Variants in PCDHGA7 observed in about 807,000 individuals in gnomAD.
PCDHGA7 encodes protocadherin gamma subfamily A, 7, also known as protocadherin gamma-A7.
In PCDHGA7, 44 loss-of-function variants were observed where a neutral mutation model predicts 58.3. The observed-to-expected ratio is 0.75, with a 90% CI of 0.59 to 0.97. The LOEUF is 0.97. Among genes scored for constraint, PCDHGA7 ranks in the 50% least tolerant of loss-of-function variants. PCDHGA7 has a pLI of 0.00. For synonymous variants in PCDHGA7, 516 were observed against 504.2 expected, an observed-to-expected ratio of 1.02 and a Z score of -0.31; for missense variants, 1,266 against 1,188.7, an observed-to-expected ratio of 1.06 and a Z score of -0.96.
chr5:141,414,087 A>G (rs377653676), intron 1 of PCDHGA7: 31 of 1,599,656 alleles, frequency 1.9e-5, no homozygotes, highest in Middle Eastern at 3.3e-4. Context: ...ATACTGGAGA[A>G]ATAAAAATAT....
intron 1 of PCDHGA7, chr5:141,395,935 A>T (rs950567838): frequency 6.6e-6 from 1 of 152,118 alleles, no homozygotes; most frequent in Non-Finnish European, 1.5e-5. Context: ...TAGAATGTCC[A>T]TTGCTCCCCC....
At chr5:141,386,498 A>G (rs961063181) in intron 1 of PCDHGA7, among the ~76,000 whole-genome samples, 2 of 135,914 alleles carry the variant, frequency 1.5e-5, no homozygotes, top group African/African-American at 5.6e-5. Context: ...TAATATAACA[A>G]GACTCTGTCT....
chr5:141,483,573 G>A (rs2099583012), intron 1 of PCDHGA7, among the ~76,000 whole-genome samples: 1 of 152,072 alleles, frequency 6.6e-6, no homozygotes, highest in Non-Finnish European at 1.5e-5. Context: ...GTGAATTCTG[G>A]CATAAACACC....
intron 1 of PCDHGA7, among the ~76,000 whole-genome samples, chr5:141,407,531 T>C (rs757019162): frequency 3.3e-5 from 5 of 151,462 alleles, no homozygotes; most frequent in South Asian, 2.1e-4. Context: ...TAACTTATTG[T>C]GCATTGGTAA....
At chr5:141,463,831 C>T (rs2099070299) in intron 1 of PCDHGA7, among the ~76,000 whole-genome samples, 1 of 152,174 alleles carries the variant, frequency 6.6e-6, no homozygotes, top group African/African-American at 2.4e-5. Flanking sequence ...TGATCCACTT[C>T]CCAGTTGTTA....
chr5:141,393,078 A>G, intron 1 of PCDHGA7: 1 of 1,613,718 alleles, frequency 6.2e-7, no homozygotes, highest in Non-Finnish European at 8.5e-7. Context: ...CACCGCGGGC[A>G]GGATAGATCG....
rs1780361260 is a variant in PCDHGA7, at chr5:141,384,682, G to A, written c.1783G>A (p.Asp595Asn). ...GYLVTKVVAV[D>N]KDSGQNAWLS... ...CCTGGTGACCAAGGTGGTGGCGGTGGACAAAGATTCAGGCCAGAACGCCTG... is the reference window on the plus strand; with the variant it reads ...CCTGGTGACCAAGGTGGTGGCGGTGAACAAAGATTCAGGCCAGAACGCCTG... Residue 595 changes from aspartate (D) to asparagine (N), a missense_variant, in exon 1 of 4, where the codon GAC becomes AAC. By Grantham distance (23) the Asp-to-Asn change is conservative (BLOSUM62 1). Coordinates refer to ENST00000518325, the MANE Select transcript of PCDHGA7 (RefSeq NM_018920.4). The A allele has an allele frequency of 6.2e-7, 1 of 1,614,222 alleles. No homozygotes were observed. Among genetic ancestry groups the A allele is most frequent in the African/African-American group, 1.3e-5 (1 of 75,062 alleles).
At chr5:141,423,123 A>C in intron 1 of PCDHGA7, 1 of 1,613,760 alleles carries the variant, frequency 6.2e-7, no homozygotes. Flanking sequence ...CAGCGCGGGC[A>C]CTGCTGGACA....
rs1378433689 is a variant in PCDHGA7, at chr5:141,409,139, G to A, written c.2424+23816G>A. Reference sequence around the variant, plus strand: ...CCAGTCATTTGATTTTGAAGATGTAGAAAGGTACACCATGGAAGTGGAAGC... The same window carrying A: ...CCAGTCATTTGATTTTGAAGATGTAAAAAGGTACACCATGGAAGTGGAAGC... On this transcript the variant is annotated intron_variant, in intron 1 of 3. Transcript: ENST00000518325. 5.6e-6 allele frequency: 9 copies of A among 1,613,894 alleles called. No homozygotes were observed. In the Admixed American group the frequency reaches 1.5e-4, roughly 27 times the overall value.
chr5:141,489,530 G>C lies in PCDHGA7; in HGVS notation c.2425-5277G>C, dbSNP rs751249228. 17 of 1,614,092 alleles carry C rather than the reference G, an allele frequency of 1.1e-5. 1 individual carries two copies. In the South Asian group the frequency reaches 1.9e-4, roughly 18 times the overall value. ...AAGATTGACCGAGAAAGCCTATGTG[G>C]AGCCAGCACCAGCTGCCTGCTGCCA... On this transcript the variant is annotated intron_variant, in intron 1 of 3. Coordinates refer to ENST00000518325, the MANE Select transcript of PCDHGA7 (RefSeq NM_018920.4). The surrounding 1 kb of genome is among the most constrained non-coding windows in gnomAD (Gnocchi z 4.5).
intron 1 of PCDHGA7, among the ~76,000 whole-genome samples, chr5:141,445,553 A>T (rs948468877): frequency 1.3e-5 from 2 of 152,252 alleles, no homozygotes; most frequent in Non-Finnish European, 1.5e-5. Context: ...ATACAAAAGC[A>T]CTAAGAGAAA....
At chr5:141,454,320 C>G (rs140074578) in intron 1 of PCDHGA7, among the ~76,000 whole-genome samples, 4 of 152,148 alleles carry the variant, frequency 2.6e-5, no homozygotes, top group Admixed American at 2.6e-4. Context: ...ATTGAAACCT[C>G]CAAGAATAAA....
rs766885846 is a variant in PCDHGA7 at position 141,393,434 on chromosome 5, TCAC to T, written c.2424+8116_2424+8118del. The stretch of plus-strand genomic sequence containing the variant: ...CCCTGGACAGGGAGGAAGAGGCTGC[TCAC>T]CACCTGGTCCTCACGGCCTCGGATG... On this transcript the variant is annotated intron_variant, in intron 1 of 3. Coordinates refer to ENST00000518325, the MANE Select transcript of PCDHGA7 (RefSeq NM_018920.4). 11 of 1,613,902 alleles carry T rather than the reference TCAC, an allele frequency of 6.8e-6. No individual in the cohort carries two copies. The African/African-American group carries it at 1.2e-4, about 18-fold the overall frequency.
intron 1 of PCDHGA7, among the ~76,000 whole-genome samples, chr5:141,483,646 GTT>G (rs2099584256): frequency 6.8e-6 from 1 of 146,706 alleles, no homozygotes; most frequent in Admixed American, 6.7e-5. Flanking sequence ...AGGGGTGTGT[GTT>G]TGTGTGTGTG....
chr5:141,420,050 C>A, intron 1 of PCDHGA7: 1 of 1,614,076 alleles, frequency 6.2e-7, no homozygotes. Context: ...TGAGTCAGTT[C>A]TCTGCTCCAA....
Position 141,505,441 on chromosome 5 carries a change from C to A in PCDHGA7, c.2532C>A (p.Asp844Glu), listed in dbSNP as rs2099846055. 6.2e-7 allele frequency: 1 copy of A among 1,614,084 alleles called. No individual in the cohort carries two copies. Among genetic ancestry groups the A allele is most frequent in the Non-Finnish European group, 8.5e-7 (1 of 1,180,024 alleles). Reference sequence around the variant, plus strand: ...GCACCTGGCCCAACAACCAGTTTGACACAGAGATGCTGCAAGCCATGATCT... The same window carrying A: ...GCACCTGGCCCAACAACCAGTTTGAAACAGAGATGCTGCAAGCCATGATCT... ...DTGTWPNNQFDTEMLQAMILA... is the reference protein window; with the variant it reads ...DTGTWPNNQFETEMLQAMILA... Residue 844 changes from aspartate to glutamate, a missense_variant, in exon 3 of 4, where the codon GAC becomes GAA. Transcript: ENST00000518325.
At chr5:141,447,520 T>C (rs1156521785) in intron 1 of PCDHGA7, among the ~76,000 whole-genome samples, 1 of 152,202 alleles carries the variant, frequency 6.6e-6, no homozygotes, top group Non-Finnish European at 1.5e-5. Context: ...ATAACAATCA[T>C]AACAAAATTG....
At chr5:141,488,951 A>G (rs2099680664) in intron 1 of PCDHGA7, among the ~76,000 whole-genome samples, 1 of 152,118 alleles carries the variant, frequency 6.6e-6, no homozygotes, top group Admixed American at 6.5e-5. Flanking sequence ...ATTGGTTGAG[A>G]GCACACAGAC....
intron 1 of PCDHGA7, chr5:141,399,868 G>A (rs1410554488): frequency 6.2e-7 from 1 of 1,612,710 alleles, no homozygotes; most frequent in African/African-American, 1.3e-5. Flanking sequence ...TGCAGAGCCC[G>A]GCTACCTGGT....
Sources: gnomAD v4.1 joint callset for allele counts (sites outside exome capture counted in the v4.1 genomes callset) on GRCh38, gnomAD v4.1.1 for gene constraint, Gnocchi (gnomAD v3.1) non-coding constraint, MANE v1.5 for transcripts, NCBI Gene and HGNC (gene_info 2026-07-23, HGNC 2026-07-21) for gene names.